HCRTR1: variants seen among roughly 807,000 people sequenced by gnomAD.
HCRTR1 encodes the protein orexin/Hypocretin receptor type 1.
Under a neutral mutation model 40.6 loss-of-function variants are expected in HCRTR1, and 28 were observed. The ratio of observed to expected loss-of-function variants is 0.69; its 90% CI spans 0.51 to 0.95. The LOEUF (loss-of-function observed/expected upper bound fraction) is 0.95. Among genes scored for constraint, HCRTR1 ranks in the 40% least tolerant of loss-of-function variants. HCRTR1 has a pLI of 0.00. For missense variants in HCRTR1, 482 were observed against 564.7 expected (o/e 0.85, Z 1.48); for synonymous variants, 209 against 230.0 (o/e 0.91, Z 0.83).
At chr1:31,628,128 A>G (rs1320318009), downstream of HCRTR1, among the ~76,000 whole-genome samples, 1 of 152,196 alleles carries the variant, frequency 6.6e-6, no homozygotes, top group East Asian at 1.9e-4. Flanking sequence ...GAACAGGGAC[A>G]TCTGGCAGGG....
chr1:31,629,428 T>C (rs1385011627), downstream of HCRTR1, among the ~76,000 whole-genome samples: 1 of 152,214 alleles, frequency 6.6e-6, no homozygotes. Flanking sequence ...AGACACTCGG[T>C]GTAGACTGGG....
chr1:31,624,911 T>C, intron 7 of HCRTR1, 86 bp from the exon 8 acceptor site: 2 of 1,411,882 alleles, frequency 1.4e-6, no homozygotes, highest in East Asian at 2.5e-5. Context: ...TCTTGCACTT[T>C]ACAGCTCAGG....
At chr1:31,623,243 C>A (rs1343897187) in intron 6 of HCRTR1, among the ~76,000 whole-genome samples, 1 of 149,858 alleles carries the variant, frequency 6.7e-6, no homozygotes, top group Non-Finnish European at 1.5e-5. Context: ...TTGAAGAGAG[C>A]CAAGATTGCA....
chr1:31,631,145 T>C (rs10914458), downstream of HCRTR1, among the ~76,000 whole-genome samples: 77,082 of 152,006 alleles, frequency 0.51, 21,250 homozygotes, highest in Non-Finnish European at 0.62. Flanking sequence ...TCATCTCTGA[T>C]TCGTTTGCAT....
downstream of HCRTR1, chr1:31,633,396 T>G: frequency 3.6e-6 from 5 of 1,407,854 alleles, no homozygotes; most frequent in Non-Finnish European, 4.8e-6. Context: ...AGGTTTCTCC[T>G]ACACACGAAG....
chr1:31,619,542 C>A lies in HCRTR1; in HGVS notation c.210C>A (p.Ala70=). The change falls in exon 4 of 9, where the codon GCC becomes GCA. Residue 70 remains alanine (A), a synonymous_variant. Coordinates refer to ENST00000403528, the MANE Select transcript of HCRTR1 (RefSeq NM_001525.3). ...ALVGNTLVCL[A]VWRNHHMRTV... ...CGCTGCACCCTGCAGTCTGCCTGGC[C>A]GTGTGGCGGAACCACCACATGAGGA... is the stretch of plus-strand genomic sequence containing the variant. 1 of 1,614,026 alleles carries A rather than the reference C, an allele frequency of 6.2e-7. No individual in the cohort carries two copies. The highest frequency in any genetic ancestry group is 1.7e-4 in the Middle Eastern group (1 of 6,058).
At chr1:31,621,411 A>G in intron 5 of HCRTR1, 66 bp from the exon 6 acceptor site, 2 of 1,228,070 alleles carry the variant, frequency 1.6e-6, no homozygotes, top group Non-Finnish European at 2.4e-6. Flanking sequence ...ACAGGGTGGC[A>G]TTGCTAACCA....
chr1:31,630,975 A>G, downstream of HCRTR1: 1 of 759,124 alleles, frequency 1.3e-6, no homozygotes, highest in South Asian at 1.7e-5. Context: ...AGGGTAGAGA[A>G]ATCCCAAGGG....
chr1:31,619,086 C>A lies in HCRTR1; in HGVS notation c.-107C>A. The stretch of plus-strand genomic sequence containing the variant: ...GCTGAGACCCGAAAAGACCTGGGTG[C>A]AAGCCTCCAGGCACCCTGAAGGGAG... On this transcript the variant is annotated 5_prime_UTR_variant, in exon 3 of 9. Coordinates refer to ENST00000403528, the MANE Select transcript of HCRTR1 (RefSeq NM_001525.3). 1.1e-6 allele frequency: 1 copy of A among 892,046 alleles called. No individual in the cohort carries two copies. The highest frequency in any genetic ancestry group is 1.7e-6 in the Non-Finnish European group (1 of 594,380). 55.3% of individuals were successfully genotyped at this position (892,046 alleles called of 1,614,324 possible). A position where few individuals can be genotyped will look rare whatever the true frequency, so the allele number is the denominator to read the frequency against.
chr1:31,628,324 C>G (rs746542632), downstream of HCRTR1, among the ~76,000 whole-genome samples: 8 of 152,168 alleles, frequency 5.3e-5, no homozygotes, highest in Non-Finnish European at 7.3e-5. Context: ...AATGTGTGGT[C>G]TAAGTATGCC....
downstream of HCRTR1, chr1:31,629,755 C>A (rs1224975275): frequency 6.6e-6 from 1 of 152,252 alleles, no homozygotes; most frequent in African/African-American, 2.4e-5. Flanking sequence ...GCAATGTCCC[C>A]CCAAGCTGCT....
chr1:31,617,695 C>G lies in HCRTR1; in HGVS notation c.-390C>G, dbSNP rs1639761038. On this transcript the variant is annotated 5_prime_UTR_variant, in exon 1 of 9. Coordinates refer to ENST00000403528, the MANE Select transcript of HCRTR1 (RefSeq NM_001525.3). ...GCGGAGCCCGCGCCGAGCCACAGCC[C>G]GCGCAGTTGCCGCGGATCGTGCTGA... 2 of 152,006 alleles carry G rather than the reference C, an allele frequency of 1.3e-5. No individual in the cohort carries two copies. Among genetic ancestry groups the G allele is most frequent in the Non-Finnish European group, 2.9e-5 (2 of 67,980 alleles). 9.4% of individuals were successfully genotyped at this position (152,006 alleles called of 1,614,324 possible). A position where few individuals can be genotyped will look rare whatever the true frequency, so the allele number is the denominator to read the frequency against.
At chr1:31,631,668 T>C (rs1437206216), downstream of HCRTR1, among the ~76,000 whole-genome samples, 2 of 152,214 alleles carry the variant, frequency 1.3e-5, no homozygotes, top group African/African-American at 4.8e-5. Flanking sequence ...TACATAAGCC[T>C]ATTAAAAATA....
intron 7 of HCRTR1, among the ~76,000 whole-genome samples, chr1:31,624,266 C>G (rs1639925679): frequency 6.6e-6 from 1 of 151,968 alleles, no homozygotes; most frequent in African/African-American, 2.4e-5. Flanking sequence ...CAAGATCAGC[C>G]CGGGCAACAT....
rs1424489734 is a variant in HCRTR1 at position 31,625,919 on chromosome 1, A to G, written c.1087+801A>G. The stretch of plus-strand genomic sequence containing the variant: ...ATCAGGAGTCAATAGTATAACCCTC[A>G]TTGAGACTCAAGAATTACTCAACAA... On this transcript the variant is annotated intron_variant, in intron 8 of 8. Coordinates refer to ENST00000403528, the MANE Select transcript of HCRTR1 (RefSeq NM_001525.3). This position sits in a 1 kb window ranked among gnomAD's most constrained non-coding sequence, Gnocchi z 4.2. Among the ~76,000 whole-genome samples the G allele has an allele frequency of 6.6e-6, 1 of 152,252 alleles. No homozygotes were observed. The highest frequency in any genetic ancestry group is 1.5e-5 in the Non-Finnish European group (1 of 68,046).
chr1:31,619,829 C>T, intron 4 of HCRTR1, 119 bp downstream of exon 4: 2 of 899,602 alleles, frequency 2.2e-6, no homozygotes, highest in Admixed American at 2.9e-5. Flanking sequence ...GGCTCATGAC[C>T]CCTGAAGTGT....
chr1:31,630,852 A>G (rs1570265076), downstream of HCRTR1: 3 of 1,592,706 alleles, frequency 1.9e-6, no homozygotes, highest in Non-Finnish European at 2.6e-6. Flanking sequence ...GCTGGAGAAG[A>G]GGGGCACACA....
Position 31,625,253 on chromosome 1 carries a change from C to T in HCRTR1, c.1087+135C>T. 9.0e-7 allele frequency: 1 copy of T among 1,115,230 alleles called. No individual in the cohort carries two copies. Among genetic ancestry groups the T allele is most frequent in the Non-Finnish European group, 1.2e-6 (1 of 814,886 alleles). 69.1% of individuals were successfully genotyped at this position (1,115,230 alleles called of 1,614,324 possible). A position where few individuals can be genotyped will look rare whatever the true frequency, so the allele number is the denominator to read the frequency against. On this transcript the variant is annotated intron_variant, in intron 8 of 8. Transcript: ENST00000403528. This position sits in a 1 kb window ranked among gnomAD's most constrained non-coding sequence, Gnocchi z 4.2. ...CTGCTGTGGGCACAGTGATCCTGCT[C>T]TGGGAGGACCCACCCCAAGCGGCCC... is the stretch of plus-strand genomic sequence containing the variant.
At position 31,626,687 on chromosome 1, in the gene HCRTR1, C is replaced by G. The variant is rs1388319236; in HGVS notation, c.1088-103C>G. 6.1e-5 allele frequency: 86 copies of G among 1,409,700 alleles called. No individual in the cohort carries two copies. Among genetic ancestry groups the G allele is most frequent in the Non-Finnish European group, 7.8e-5 (82 of 1,047,760 alleles). 87.3% of individuals were successfully genotyped at this position (1,409,700 alleles called of 1,614,324 possible). A position where few individuals can be genotyped will look rare whatever the true frequency, so the allele number is the denominator to read the frequency against. ...CTATCCCTCCCTCCCTCCCCGCCCCCTCATAGGCAGCTTGGCTGGAGCTGC... is the reference window on the plus strand; with the variant it reads ...CTATCCCTCCCTCCCTCCCCGCCCCGTCATAGGCAGCTTGGCTGGAGCTGC... On this transcript the variant is annotated intron_variant, in intron 8 of 8. Coordinates refer to ENST00000403528, the MANE Select transcript of HCRTR1 (RefSeq NM_001525.3). The surrounding 1 kb of genome is among the most constrained non-coding windows in gnomAD (Gnocchi z 4.6).
Sources: allele counts gnomAD v4.1 joint callset (sites outside exome capture counted in the v4.1 genomes callset), GRCh38; gene constraint gnomAD v4.1.1; non-coding constraint Gnocchi (gnomAD v3.1); transcripts MANE v1.5; gene names NCBI Gene and HGNC (gene_info 2026-07-23, HGNC 2026-07-21).